VAV3: variants seen among roughly 807,000 people sequenced by gnomAD.
VAV3 encodes the protein vav guanine nucleotide exchange factor 3, also known as guanine nucleotide exchange factor VAV3.
Under a neutral mutation model 131.2 loss-of-function variants are expected in VAV3, and 94 were observed. That is an observed-to-expected ratio of 0.72 (90% CI 0.61 to 0.85). VAV3 has a LOEUF of 0.85. Among genes scored for constraint, VAV3 ranks in the 40% least tolerant of loss-of-function variants. VAV3 has a pLI of 0.00. For missense variants in VAV3, 939 were observed against 1,002.7 expected, an observed-to-expected ratio of 0.94 and a Z score of 0.86; for synonymous variants, 349 against 342.0, an observed-to-expected ratio of 1.02 and a Z score of -0.22.
intron 15 of VAV3, among the ~76,000 whole-genome samples, chr1:107,748,383 A>C (rs1663488667): frequency 6.6e-6 from 1 of 152,182 alleles, no homozygotes; most frequent in Non-Finnish European, 1.5e-5. Context: ...ATTCCTTTTG[A>C]AACAGGGTTG....
intron 13 of VAV3, among the ~76,000 whole-genome samples, chr1:107,750,275 A>C (rs1000956042): frequency 6.6e-6 from 1 of 152,236 alleles, no homozygotes; most frequent in African/African-American, 2.4e-5. Context: ...TATATGAGCC[A>C]AGTGTAAACT....
intron 2 of VAV3, among the ~76,000 whole-genome samples, chr1:107,829,565 T>G (rs893119317): frequency 1.3e-5 from 2 of 152,186 alleles, no homozygotes; most frequent in African/African-American, 4.8e-5. Context: ...ACCACAGTCC[T>G]GTACAGTATT....
chr1:107,693,985 C>CACA (rs763583476), intron 17 of VAV3, among the ~76,000 whole-genome samples: 5,143 of 152,238 alleles, frequency 0.034, 120 homozygotes, highest in South Asian at 0.079. Flanking sequence ...ATGTGTCAAG[C>CACA]TGGCAAAGTC....
chr1:107,907,736 C>T (rs1426751344), intron 1 of VAV3, among the ~76,000 whole-genome samples: 3 of 152,066 alleles, frequency 2.0e-5, no homozygotes. Context: ...CACCTTCCAC[C>T]TTCCACCATG....
At chr1:107,813,183 T>C (rs1008371270) in intron 2 of VAV3, among the ~76,000 whole-genome samples, 5 of 150,990 alleles carry the variant, frequency 3.3e-5, no homozygotes, top group Admixed American at 1.3e-4. Flanking sequence ...ATGAAATGCA[T>C]ATTACAAATA....
At chr1:107,597,611 A>G (rs1651497458) in intron 24 of VAV3, among the ~76,000 whole-genome samples, 1 of 152,208 alleles carries the variant, frequency 6.6e-6, no homozygotes, top group Admixed American at 6.5e-5. Context: ...TAGTAAAATT[A>G]CAATAGCCAG....
At chr1:107,768,866 T>C (rs1227310572) in intron 6 of VAV3, among the ~76,000 whole-genome samples, 2 of 152,222 alleles carry the variant, frequency 1.3e-5, no homozygotes, top group Non-Finnish European at 2.9e-5. Flanking sequence ...AAATGTTTTG[T>C]GGAGATTCTA....
chr1:107,761,771 G>C (rs1017546445), intron 9 of VAV3, among the ~76,000 whole-genome samples: 2 of 152,000 alleles, frequency 1.3e-5, no homozygotes, highest in South Asian at 4.1e-4. Context: ...AATATGATTT[G>C]TGCTGTATGC....
intron 1 of VAV3, among the ~76,000 whole-genome samples, chr1:107,895,768 C>T (rs1252179626): frequency 6.6e-6 from 1 of 152,096 alleles, no homozygotes; most frequent in Non-Finnish European, 1.5e-5. Context: ...ATCATGTGTC[C>T]TTGCTCAAAA....
Position 107,772,718 on chromosome 1 carries a change from A to G in VAV3, c.555+17T>C. 6.3e-7 allele frequency: 1 copy of G among 1,589,924 alleles called. No individual in the cohort carries two copies. Among genetic ancestry groups the G allele is most frequent in the Non-Finnish European group, 8.6e-7 (1 of 1,164,702 alleles). On this transcript the variant is annotated intron_variant, in intron 5 of 26. Coordinates refer to ENST00000370056, the MANE Select transcript of VAV3 (RefSeq NM_006113.5). ...TAAAATATTCAGAGTAACTTTAAAAACAAGTAAAAGTCCTACGGGCTGATG... is the reference window on the plus strand; with the variant it reads ...TAAAATATTCAGAGTAACTTTAAAAGCAAGTAAAAGTCCTACGGGCTGATG...
In VAV3 at chr1:107,951,562, C is replaced by T. The variant is rs995841043; in HGVS notation, c.204+13104G>A. 6.6e-5 allele frequency among the ~76,000 whole-genome samples: 10 copies of T among 152,156 alleles called. No homozygotes were observed. The East Asian group carries it at 1.9e-3, about 29-fold the overall frequency. On this transcript the variant is annotated intron_variant, in intron 1 of 26. Transcript: ENST00000370056. The stretch of plus-strand genomic sequence containing the variant: ...CCTACAGAATGGAAGAAAATTTTTG[C>T]AAACTATGCATCTGACAAAGGCCTA...
At chr1:107,947,520 G>C (rs758796956) in intron 1 of VAV3, among the ~76,000 whole-genome samples, 4 of 152,100 alleles carry the variant, frequency 2.6e-5, no homozygotes, top group Non-Finnish European at 4.4e-5. Flanking sequence ...GCTGTGCTAG[G>C]TATCTTGCCC....
intron 1 of VAV3, among the ~76,000 whole-genome samples, chr1:107,917,843 T>C (rs59857751): frequency 0.031 from 4,745 of 152,232 alleles, 246 homozygotes; most frequent in African/African-American, 0.11. Flanking sequence ...CAGAATACTT[T>C]GATGAGCATT....
chr1:107,652,842 A>G (rs1472511710), intron 19 of VAV3, among the ~76,000 whole-genome samples: 1 of 151,506 alleles, frequency 6.6e-6, no homozygotes, highest in Admixed American at 6.6e-5. Flanking sequence ...CCAAAAAAAT[A>G]AAATTGTTTT....
At chr1:107,812,172 C>G (rs1667344371) in intron 2 of VAV3, among the ~76,000 whole-genome samples, 1 of 152,130 alleles carries the variant, frequency 6.6e-6, no homozygotes, top group Admixed American at 6.5e-5. Context: ...AGGAAACTTC[C>G]TGAAACTTAA....
At chr1:107,948,528 T>G (rs1282814763) in intron 1 of VAV3, among the ~76,000 whole-genome samples, 2 of 152,178 alleles carry the variant, frequency 1.3e-5, no homozygotes, top group South Asian at 2.1e-4. Context: ...TTTTCAGCAC[T>G]ATAATTGTAT....
At chr1:107,882,665 C>G (rs1346527316) in intron 1 of VAV3, among the ~76,000 whole-genome samples, 1 of 151,994 alleles carries the variant, frequency 6.6e-6, no homozygotes, top group Non-Finnish European at 1.5e-5. Flanking sequence ...ATTAGGTGAG[C>G]TAAATCTTAC....
chr1:107,624,249 G>A (rs954659980), intron 20 of VAV3, among the ~76,000 whole-genome samples: 1 of 152,068 alleles, frequency 6.6e-6, no homozygotes, highest in Non-Finnish European at 1.5e-5. Context: ...AAATGTATTT[G>A]GTGAGGTCCC....
intron 2 of VAV3, among the ~76,000 whole-genome samples, chr1:107,842,381 C>G (rs1485453950): frequency 6.6e-6 from 1 of 152,214 alleles, no homozygotes; most frequent in African/African-American, 2.4e-5. Flanking sequence ...GGTGAGGCAA[C>G]TGCAGTCCTT....
Sources: allele counts gnomAD v4.1 joint callset (sites outside exome capture counted in the v4.1 genomes callset), GRCh38; gene constraint gnomAD v4.1.1; transcripts MANE v1.5; gene names NCBI Gene and HGNC (gene_info 2026-07-23, HGNC 2026-07-21).